PDE8A: variants seen among roughly 807,000 people sequenced by gnomAD.
The protein encoded by PDE8A is phosphodiesterase 8A, also known as high affinity cAMP-specific and IBMX-insensitive 3',5'-cyclic phosphodiesterase 8A.
PDE8A carries 59 observed loss-of-function variants against 105.0 expected under a neutral mutation model. The ratio of observed to expected loss-of-function variants is 0.56; its 90% confidence interval spans 0.46 to 0.70. The LOEUF is 0.70. Among genes scored for constraint, PDE8A ranks in the 30% least tolerant of loss-of-function variants. The pLI is 0.00. For missense variants in PDE8A, 1,014 were observed against 1,045.9 expected, an observed-to-expected ratio of 0.97 and a Z score of 0.42; for synonymous variants, 355 against 371.9, an observed-to-expected ratio of 0.95 and a Z score of 0.52.
chr15:85,045,397 GA>G (rs2080871529), intron 1 of PDE8A, among the ~76,000 whole-genome samples: 1 of 151,380 alleles, frequency 6.6e-6, no homozygotes, highest in South Asian at 2.1e-4. Context: ...AATAGAGCAT[GA>G]AAAGATCACA....
chr15:85,121,281 G>A (rs184105937), intron 18 of PDE8A, among the ~76,000 whole-genome samples: 53 of 151,950 alleles, frequency 3.5e-4, no homozygotes, highest in Admixed American at 3.1e-3. Flanking sequence ...AGCCAGGCTC[G>A]GTGGTTGTGT....
intron 19 of PDE8A, 59 bp from the exon 20 acceptor site, chr15:85,126,146 AAG>A: frequency 2.4e-6 from 3 of 1,262,960 alleles, no homozygotes; most frequent in Non-Finnish European, 3.3e-6. Context: ...ACAGACCAGT[AAG>A]AGAGGGCTTG....
intron 1 of PDE8A, among the ~76,000 whole-genome samples, chr15:85,048,176 A>G (rs963707800): frequency 1.6e-4 from 24 of 152,234 alleles, no homozygotes; most frequent in Middle Eastern, 3.4e-3. Context: ...AAGTTTTCTA[A>G]GGAGGCAGGA....
intron 6 of PDE8A, among the ~76,000 whole-genome samples, chr15:85,087,557 T>G (rs2081574481): frequency 7.1e-6 from 1 of 141,654 alleles, no homozygotes; most frequent in Non-Finnish European, 1.5e-5. Context: ...AAGCAGGCAG[T>G]TTTCTTTTTT....
At chr15:85,078,244 A>G (rs923986113) in intron 5 of PDE8A, among the ~76,000 whole-genome samples, 3 of 103,178 alleles carry the variant, frequency 2.9e-5, no homozygotes, top group African/African-American at 1.1e-4. Flanking sequence ...CTCAGCAGCA[A>G]CAAGTGGAAA....
At chr15:85,130,644 A>G (rs948674540) in intron 20 of PDE8A, among the ~76,000 whole-genome samples, 1 of 152,176 alleles carries the variant, frequency 6.6e-6, no homozygotes, top group African/African-American at 2.4e-5. Context: ...ATAAAAATGT[A>G]GTATTGAAGT....
intron 17 of PDE8A, among the ~76,000 whole-genome samples, chr15:85,118,753 C>G (rs2082134899): frequency 2.0e-5 from 3 of 152,226 alleles, no homozygotes; most frequent in Admixed American, 2.0e-4. Flanking sequence ...TGACTGGGGC[C>G]TAAGATGACT....
chr15:85,090,386 TC>T (rs1219418594), intron 7 of PDE8A, among the ~76,000 whole-genome samples: 9 of 152,286 alleles, frequency 5.9e-5, no homozygotes, highest in African/African-American at 2.2e-4. Flanking sequence ...ACAGATAGTA[TC>T]AATTATTGTT....
At chr15:85,082,709 G>T (rs1316300342) in intron 5 of PDE8A, among the ~76,000 whole-genome samples, 3 of 152,218 alleles carry the variant, frequency 2.0e-5, no homozygotes, top group African/African-American at 7.2e-5. Flanking sequence ...CAGCCAGGTA[G>T]AGTATTGTCC....
At chr15:85,121,252 C>G (rs942515710) in intron 18 of PDE8A, among the ~76,000 whole-genome samples, 18 of 149,570 alleles carry the variant, frequency 1.2e-4, no homozygotes, top group African/African-American at 4.4e-4. Context: ...CCTGTCTCTA[C>G]AAAAGGAAAA....
intron 9 of PDE8A, among the ~76,000 whole-genome samples, chr15:85,098,935 CA>C (rs1034370869): frequency 1.4e-5 from 2 of 142,764 alleles, no homozygotes; most frequent in African/African-American, 5.0e-5. Flanking sequence ...CCAGCCTGGG[CA>C]ACAAAGTAAG....
intron 17 of PDE8A, among the ~76,000 whole-genome samples, chr15:85,118,101 T>C (rs1398390579): frequency 1.3e-5 from 2 of 152,120 alleles, no homozygotes; most frequent in Non-Finnish European, 2.9e-5. Flanking sequence ...AAGGACAGGA[T>C]AGGGCTATTC....
At chr15:85,023,166 A>T (rs914057709) in intron 1 of PDE8A, among the ~76,000 whole-genome samples, 1 of 152,148 alleles carries the variant, frequency 6.6e-6, no homozygotes, top group African/African-American at 2.4e-5. Flanking sequence ...GTGAAATAGG[A>T]GTGAGATTAT....
intron 1 of PDE8A, among the ~76,000 whole-genome samples, chr15:85,059,078 G>A (rs369305467): frequency 1.4e-4 from 21 of 152,048 alleles, no homozygotes; most frequent in East Asian, 9.6e-4. Context: ...AGTATGTTGC[G>A]TTTTTGTTTT....
At chr15:85,081,111 C>T (rs542383614) in intron 5 of PDE8A, among the ~76,000 whole-genome samples, 147 of 152,302 alleles carry the variant, frequency 9.7e-4, no homozygotes, top group African/African-American at 3.4e-3. Context: ...AGGGGATTCT[C>T]CCAGTCATGG....
chr15:85,120,744 C>A, intron 17 of PDE8A, 53 bp from the exon 18 acceptor site: 1 of 1,101,918 alleles, frequency 9.1e-7, no homozygotes, highest in Non-Finnish European at 1.3e-6. Context: ...ATACAGAAGG[C>A]TTCCTTGCCT....
rs138695179 is a variant in PDE8A, at chr15:85,024,259, C to T, written c.187-40111C>T. 5.8e-3 allele frequency among the ~76,000 whole-genome samples: 877 copies of T among 152,296 alleles called. 3 individuals carry two copies. Among genetic ancestry groups the T allele is most frequent in the Admixed American group, 0.01 (160 of 15,300 alleles). The stretch of plus-strand genomic sequence containing the variant: ...TCTGCTGTCCTTCCCTCCCCTAGAC[C>T]ATAACTTCCTTGATGAAAGCAGGGA... On this transcript the variant is annotated intron_variant, in intron 1 of 21. Transcript: ENST00000394553.
At chr15:85,091,303 G>A in intron 8 of PDE8A, 122 bp downstream of exon 8, 3 of 832,320 alleles carry the variant, frequency 3.6e-6, no homozygotes, top group Non-Finnish European at 5.3e-6. Flanking sequence ...GGGAAGTATA[G>A]GGAATGTTAT....
chr15:85,041,925 CG>C (rs1567244778), intron 1 of PDE8A, among the ~76,000 whole-genome samples: 2 of 152,158 alleles, frequency 1.3e-5, no homozygotes, highest in African/African-American at 4.8e-5. Flanking sequence ...ACTTACCTCT[CG>C]TTCCAGTAGT....
Sources: allele counts gnomAD v4.1 joint callset (sites outside exome capture counted in the v4.1 genomes callset), GRCh38; gene constraint gnomAD v4.1.1; transcripts MANE v1.5; gene names NCBI Gene and HGNC (gene_info 2026-07-23, HGNC 2026-07-21).